The following NTM variants were observed in gnomAD, a reference collection of about 807,000 sequenced individuals.
NTM encodes the protein IgLON family member 2.
A neutral mutation model predicts 42.1 loss-of-function variants in NTM; 13 were observed. The observed-to-expected ratio is 0.31, with a 90% confidence interval of 0.20 to 0.49. The LOEUF is 0.49. Ranked by LOEUF, NTM falls within the 20% of genes least tolerant of loss-of-function variation. The pLI, the probability that NTM is intolerant of heterozygous loss-of-function variation, is 0.99. For synonymous variants in NTM, 187 were observed against 179.2 expected, an observed-to-expected ratio of 1.04 and a Z score of -0.35; for missense variants, 373 against 452.8, an observed-to-expected ratio of 0.82 and a Z score of 1.60.
At chr11:131,612,982 T>C (rs2061585579) in intron 1 of NTM, among the ~76,000 whole-genome samples, 1 of 152,242 alleles carries the variant, frequency 6.6e-6, no homozygotes, top group Non-Finnish European at 1.5e-5. Flanking sequence ...CCATAGCTGC[T>C]ACCATTTGAG....
chr11:132,237,017 T>C (rs58175508), intron 4 of NTM, among the ~76,000 whole-genome samples: 5,480 of 152,208 alleles, frequency 0.036, 310 homozygotes, highest in African/African-American at 0.12. Context: ...ACCCCAGTCC[T>C]CCACGATCTG....
chr11:131,757,692 T>G lies in NTM; in HGVS notation c.83-153872T>G, dbSNP rs144369390. ...GAGTTGAAGTTAAATCCTCAGATGG[T>G]TATTATTATTATGTTTGTTTTTTTC... On this transcript the variant is annotated intron_variant, in intron 1 of 8. Transcript: ENST00000683400. Among the ~76,000 whole-genome samples the G allele has an allele frequency of 1.2e-4, 19 of 152,276 alleles. 1 individual carries two copies. In the East Asian group the frequency reaches 3.7e-3, roughly 29 times the overall value.
intron 1 of NTM, among the ~76,000 whole-genome samples, chr11:131,720,540 G>C (rs1360315109): frequency 3.3e-5 from 5 of 152,218 alleles, no homozygotes; most frequent in African/African-American, 1.2e-4. Context: ...GAATAGATCA[G>C]ATGAGATTCT....
chr11:132,257,480 C>T (rs1002497741), intron 4 of NTM, among the ~76,000 whole-genome samples: 2 of 152,172 alleles, frequency 1.3e-5, no homozygotes, highest in Non-Finnish European at 2.9e-5. Context: ...ATCTGTCCAT[C>T]CCGGGAAGCT....
At chr11:132,155,392 C>A (rs1378855768) in intron 3 of NTM, among the ~76,000 whole-genome samples, 1 of 152,192 alleles carries the variant, frequency 6.6e-6, no homozygotes, top group African/African-American at 2.4e-5. Context: ...CAGGTGCTTA[C>A]ATCCATTTGT....
At chr11:132,098,678 C>T (rs562414234) in intron 2 of NTM, among the ~76,000 whole-genome samples, 117 of 152,362 alleles carry the variant, frequency 7.7e-4, no homozygotes, top group Non-Finnish European at 1.4e-3. Context: ...GGAAACTTGC[C>T]CCCGTAGGCA....
At chr11:132,157,846 AG>A (rs1450358998) in intron 3 of NTM, among the ~76,000 whole-genome samples, 1 of 152,100 alleles carries the variant, frequency 6.6e-6, no homozygotes, top group Non-Finnish European at 1.5e-5. Flanking sequence ...CTCATGTGAA[AG>A]CTGCAGTCCG....
chr11:131,746,792 A>G (rs1286101732), intron 1 of NTM, among the ~76,000 whole-genome samples: 1 of 151,964 alleles, frequency 6.6e-6, no homozygotes, highest in Non-Finnish European at 1.5e-5. Flanking sequence ...ATCCTTCATG[A>G]GTCTAGTGTA....
chr11:131,512,539 CA>C (rs2048384355), intron 1 of NTM, among the ~76,000 whole-genome samples: 1 of 152,202 alleles, frequency 6.6e-6, no homozygotes, highest in Non-Finnish European at 1.5e-5. Flanking sequence ...AAGCCAAAGT[CA>C]AATGCCAGGG....
At chr11:131,838,181 A>G (rs976985046) in intron 1 of NTM, among the ~76,000 whole-genome samples, 7 of 152,106 alleles carry the variant, frequency 4.6e-5, no homozygotes, top group African/African-American at 1.7e-4. Flanking sequence ...AGCATCACGG[A>G]TGCAGGGGGC....
intron 1 of NTM, among the ~76,000 whole-genome samples, chr11:131,848,311 T>C: frequency 6.6e-6 from 1 of 152,224 alleles, no homozygotes; most frequent in East Asian, 1.9e-4. Context: ...TAGCCATAAC[T>C]CTCCAGTTGG....
At chr11:131,840,721 A>T (rs1394364287) in intron 1 of NTM, among the ~76,000 whole-genome samples, 5 of 152,200 alleles carry the variant, frequency 3.3e-5, no homozygotes, top group South Asian at 2.1e-4. Flanking sequence ...CCAGAAGAGG[A>T]TGTGAAACTG....
intron 4 of NTM, among the ~76,000 whole-genome samples, chr11:132,223,018 C>T (rs982817458): frequency 2.0e-5 from 3 of 152,222 alleles, no homozygotes; most frequent in African/African-American, 7.2e-5. Context: ...AAATGGCTTT[C>T]TCCCTCATTG....
chr11:131,612,780 G>A (rs1409898963), intron 1 of NTM, among the ~76,000 whole-genome samples: 3 of 152,232 alleles, frequency 2.0e-5, no homozygotes, highest in Admixed American at 6.5e-5. Context: ...CAGATGTGCT[G>A]CAGGGCCCCA....
At chr11:131,406,013 T>C (rs1026891083) in intron 1 of NTM, among the ~76,000 whole-genome samples, 2 of 152,196 alleles carry the variant, frequency 1.3e-5, no homozygotes, top group Admixed American at 1.3e-4. Flanking sequence ...ACTCCGTCCT[T>C]CTCTATCAGG....
chr11:131,958,461 T>C (rs1234169001), intron 2 of NTM, among the ~76,000 whole-genome samples: 2 of 152,168 alleles, frequency 1.3e-5, no homozygotes, highest in African/African-American at 4.8e-5. Context: ...ATAACTGTAG[T>C]CTTTGATGAG....
At position 131,968,532 on chromosome 11, in the gene NTM, G is replaced by A. The variant is rs548868692; in HGVS notation, c.167+56884G>A. ...AGGGGCTCACATCTGGAGATACAAA[G>A]GGATGCCCATTTCTGTGTCTCTTGC... is the stretch of plus-strand genomic sequence containing the variant. On this transcript the variant is annotated intron_variant, in intron 2 of 8. Transcript: ENST00000683400. 9.5e-4 allele frequency among the ~76,000 whole-genome samples: 144 copies of A among 152,236 alleles called. 1 individual carries two copies. Among genetic ancestry groups the A allele is most frequent in the Non-Finnish European group, 1.5e-3 (100 of 68,022 alleles).
intron 2 of NTM, among the ~76,000 whole-genome samples, chr11:132,060,348 A>T (rs986824712): frequency 1.8e-4 from 27 of 152,206 alleles, no homozygotes; most frequent in African/African-American, 6.3e-4. Context: ...AGACAAGGAG[A>T]CATTATCCTC....
At chr11:131,432,839 C>CCTTTTTTTTTTTTTTTTTTT (rs1565494793) in intron 1 of NTM, among the ~76,000 whole-genome samples, 1 of 68,694 alleles carries the variant, frequency 1.5e-5, no homozygotes, top group Non-Finnish European at 2.6e-5. Context: ...ATTTAGCATT[C>CCTTTTTTTTTTTTTTTTTTT]TTTTTTTTTT....
Sources: gnomAD v4.1 joint callset for allele counts (sites outside exome capture counted in the v4.1 genomes callset) on GRCh38, gnomAD v4.1.1 for gene constraint, MANE v1.5 for transcripts, NCBI Gene and HGNC (gene_info 2026-07-23, HGNC 2026-07-21) for gene names.